The following ATP2B1 variants were observed in gnomAD, a reference collection of about 807,000 sequenced individuals.
The protein encoded by ATP2B1 is ATPase plasma membrane Ca2+ transporting 1.
A neutral mutation model predicts 124.2 loss-of-function variants in ATP2B1; 14 were observed. The ratio of observed to expected loss-of-function variants is 0.11; its 90% CI spans 0.07 to 0.18. ATP2B1 has a LOEUF of 0.18. Among genes scored for constraint, ATP2B1 ranks in the 10% least tolerant of loss-of-function variants. The pLI, the probability that ATP2B1 is intolerant of heterozygous loss-of-function variation, is 1.00. For synonymous variants in ATP2B1, 449 were observed against 492.4 expected (o/e 0.91, Z 1.17); for missense variants, 763 against 1,466.1 (o/e 0.52, Z 7.83).
In ATP2B1 at chr12:89,655,730, A is replaced by T. The variant is rs1186543761; in HGVS notation, c.157T>A (p.Tyr53Asn). 1 of 1,614,072 alleles carries T rather than the reference A, an allele frequency of 6.2e-7. No homozygotes were observed. The highest frequency in any genetic ancestry group is 8.5e-7 in the Non-Finnish European group (1 of 1,180,022). ...TDALRKIQES[Y>N]GDVYGICTKL... ...GTGCAAATTCCATAGACATCTCCATAGCTTTCCTGTATTTTTCGTAATGCA... is the reference window on the plus strand; with the variant it reads ...GTGCAAATTCCATAGACATCTCCATTGCTTTCCTGTATTTTTCGTAATGCA... Residue 53 changes from tyrosine (Y) to asparagine (N), a missense_variant, in exon 2 of 21, where the codon TAT (tyrosine) becomes AAT (asparagine). Tyr to Asn is a moderately radical substitution (Grantham distance 143). Coordinates refer to ENST00000428670, the MANE Select transcript of ATP2B1 (RefSeq NM_001366521.1).
chr12:89,647,203 G>A (rs543593922), intron 2 of ATP2B1, among the ~76,000 whole-genome samples: 9 of 152,230 alleles, frequency 5.9e-5, no homozygotes, highest in Non-Finnish European at 7.3e-5. Context: ...TAGTGGCAAT[G>A]AGGCCAAGGT....
chr12:89,627,237 A>C (rs997388722), intron 7 of ATP2B1, among the ~76,000 whole-genome samples: 2 of 152,138 alleles, frequency 1.3e-5, no homozygotes, highest in African/African-American at 4.8e-5. Context: ...CGGAATAGTC[A>C]AAACTGTTTC....
chr12:89,693,028 A>C (rs1890721815), intron 1 of ATP2B1, among the ~76,000 whole-genome samples: 3 of 152,194 alleles, frequency 2.0e-5, no homozygotes, highest in South Asian at 2.1e-4. Flanking sequence ...CTGAATGTAT[A>C]CTTAATTTTT....
At chr12:89,706,617 C>A (rs1892482523) in intron 1 of ATP2B1, among the ~76,000 whole-genome samples, 1 of 152,118 alleles carries the variant, frequency 6.6e-6, no homozygotes, top group Admixed American at 6.5e-5. Context: ...GCAGAAATTT[C>A]TCTCAAAAGA....
intron 1 of ATP2B1, among the ~76,000 whole-genome samples, chr12:89,699,571 A>T (rs560562737): frequency 2.6e-5 from 4 of 152,070 alleles, no homozygotes; most frequent in African/African-American, 9.7e-5. Flanking sequence ...AAAAATCAAA[A>T]CCCCCTGACT....
At chr12:89,700,574 G>A (rs1891725594) in intron 1 of ATP2B1, among the ~76,000 whole-genome samples, 1 of 152,184 alleles carries the variant, frequency 6.6e-6, no homozygotes, top group Non-Finnish European at 1.5e-5. Flanking sequence ...TAGCAAGGGA[G>A]AATGGAGTAT....
chr12:89,627,610 A>C (rs1234580816), intron 7 of ATP2B1, 68 bp downstream of exon 7: 1 of 1,524,524 alleles, frequency 6.6e-7, no homozygotes, highest in Non-Finnish European at 9.1e-7. Context: ...TTGAATAAAT[A>C]TGGTATACAG....
intron 3 of ATP2B1, among the ~76,000 whole-genome samples, chr12:89,637,488 T>A (rs981819008): frequency 2.0e-5 from 3 of 151,586 alleles, no homozygotes; most frequent in Non-Finnish European, 4.4e-5. Flanking sequence ...TGTGGCTCAC[T>A]GCATGCTCAA....
intron 1 of ATP2B1, among the ~76,000 whole-genome samples, chr12:89,701,137 C>A (rs1410704749): frequency 6.6e-6 from 1 of 152,158 alleles, no homozygotes; most frequent in African/African-American, 2.4e-5. Flanking sequence ...TACTCTTCTT[C>A]CTGATGCCTA....
chr12:89,695,447 A>AT (rs1891030220), intron 1 of ATP2B1, among the ~76,000 whole-genome samples: 1 of 152,058 alleles, frequency 6.6e-6, no homozygotes, highest in African/African-American at 2.4e-5. Context: ...CAAATCTGAA[A>AT]TTTTCTACTT....
chr12:89,634,413 ATTCT>A (rs1026499184), intron 5 of ATP2B1, among the ~76,000 whole-genome samples: 4 of 152,192 alleles, frequency 2.6e-5, no homozygotes, highest in East Asian at 1.9e-4. Context: ...ACATATATTC[ATTCT>A]TTAATTTTAT....
At chr12:89,658,631 G>GAGAGAT (rs1886278489) in intron 1 of ATP2B1, among the ~76,000 whole-genome samples, 1 of 151,332 alleles carries the variant, frequency 6.6e-6, no homozygotes, top group African/African-American at 2.4e-5. Context: ...GAGAGAGAGA[G>GAGAGAT]AGAGAGAGAG....
chr12:89,591,091 T>C lies in ATP2B1; in HGVS notation c.3556A>G (p.Asn1186Asp). Residue 1186 changes from asparagine to aspartate, a missense_variant, in exon 21 of 21, where the codon AAT (asparagine) becomes GAT (aspartate). By Grantham distance (23) the Asn-to-Asp change is conservative. Transcript: ENST00000428670. ...NSSPPPSPNK[N>D]NNAVDSGIHL... ...ATTCCACTGTCAACAGCATTGTTAT[T>C]TTTGTTGGGAGAGGGTGGAGGACTG... 1 of 1,613,088 alleles carries C rather than the reference T, an allele frequency of 6.2e-7. No homozygotes were observed. The highest frequency in any genetic ancestry group is 8.5e-7 in the Non-Finnish European group (1 of 1,179,302).
chr12:89,687,415 A>C (rs1167824184), intron 1 of ATP2B1, among the ~76,000 whole-genome samples: 1 of 152,122 alleles, frequency 6.6e-6, no homozygotes, highest in East Asian at 1.9e-4. Flanking sequence ...GTGAATTTGC[A>C]CAATAACGAA....
intron 1 of ATP2B1, among the ~76,000 whole-genome samples, chr12:89,670,167 G>C (rs1887765626): frequency 6.6e-6 from 1 of 152,140 alleles, no homozygotes; most frequent in African/African-American, 2.4e-5. Flanking sequence ...CCCAAAGATA[G>C]ATATAATCAT....
intron 20 of ATP2B1, among the ~76,000 whole-genome samples, chr12:89,595,370 A>C (rs1478723794): frequency 1.3e-5 from 2 of 152,002 alleles, no homozygotes; most frequent in Non-Finnish European, 2.9e-5. Context: ...AAAAAAATCT[A>C]CTAATGGTAA....
At position 89,603,850 on chromosome 12, in the gene ATP2B1, T is replaced by C; in HGVS notation, c.2710A>G (p.Thr904Ala). 3 of 1,614,014 alleles carry C rather than the reference T, an allele frequency of 1.9e-6. No homozygotes were observed. The highest frequency in any genetic ancestry group is 2.5e-6 in the Non-Finnish European group (3 of 1,179,982). ...MDTLASLALATEPPTESLLLR... is the reference protein window; with the variant it reads ...MDTLASLALAAEPPTESLLLR... The stretch of plus-strand genomic sequence containing the variant: ...AAGAGAGACTCAGTGGGTGGTTCCG[T>C]TGCCAGAGCCAGGGAAGCGAGTGTA... Residue 904 changes from threonine (T) to alanine (A), a missense_variant, in exon 17 of 21, where the codon ACG becomes GCG. By Grantham distance (58) the Thr-to-Ala change is moderately conservative. Around this residue, in one of 7 missense-constraint regions of ATP2B1, gnomAD observed 51 missense variants for 192.8 expected, o/e 0.26. Transcript: ENST00000428670. The surrounding 1 kb of genome is among the most constrained non-coding windows in gnomAD (Gnocchi z 4.3).
Position 89,621,560 on chromosome 12 carries a change from A to G in ATP2B1, c.1576T>C (p.Ser526Pro). The part of the protein sequence containing the change: ...TGISVNCAYT[S>P]KILPPEKEGG... ...TTCAAAAACCTTACCAATATTTTTG[A>G]TGTATAAGCACAATTCACAGAAATT... The change falls in exon 10 of 21, where the codon TCA becomes CCA. Residue 526 changes from serine to proline, a missense_variant. By Grantham distance (74) the Ser-to-Pro change is moderately conservative (BLOSUM62 -1). Transcript: ENST00000428670. 6.4e-7 allele frequency: 1 copy of G among 1,552,446 alleles called. No homozygotes were observed. Among genetic ancestry groups the G allele is most frequent in the Non-Finnish European group, 8.7e-7 (1 of 1,144,150 alleles).
At chr12:89,660,331 T>A (rs1344019711) in intron 1 of ATP2B1, among the ~76,000 whole-genome samples, 2 of 152,222 alleles carry the variant, frequency 1.3e-5, no homozygotes, top group African/African-American at 4.8e-5. Context: ...CAAATGGGAA[T>A]GAGAGGTTAA....
Sources: gnomAD v4.1 joint callset for allele counts (sites outside exome capture counted in the v4.1 genomes callset) on GRCh38, gnomAD v4.1.1 for gene constraint, gnomAD v4.1.1 regional missense constraint, Gnocchi (gnomAD v3.1) non-coding constraint, MANE v1.5 for transcripts, NCBI Gene and HGNC (gene_info 2026-07-23, HGNC 2026-07-21) for gene names.